The following CYP7B1 variants were observed in gnomAD, a reference collection of about 807,000 sequenced individuals.
CYP7B1 encodes the protein cytochrome P450 family 7 subfamily B member 1.
A neutral mutation model predicts 42.7 loss-of-function variants in CYP7B1; 29 were observed. That is an observed-to-expected ratio of 0.68 (90% CI 0.51 to 0.93). CYP7B1 has a LOEUF of 0.93. CYP7B1 is among the 40% of genes least tolerant of loss of function. The pLI, the probability that CYP7B1 is intolerant of heterozygous loss-of-function variation, is 0.00. For missense variants in CYP7B1, 655 were observed against 600.5 expected (o/e 1.09, Z -0.95); for synonymous variants, 235 against 218.2 (o/e 1.08, Z -0.68).
chr8:64,636,649 C>T (rs1269253925), intron 1 of CYP7B1, among the ~76,000 whole-genome samples: 5 of 152,060 alleles, frequency 3.3e-5, no homozygotes, highest in Non-Finnish European at 7.4e-5. Flanking sequence ...ATATGATATG[C>T]TGGTCACAGA....
intron 1 of CYP7B1, among the ~76,000 whole-genome samples, chr8:64,781,983 A>G (rs957839782): frequency 2.0e-5 from 3 of 152,192 alleles, no homozygotes; most frequent in Admixed American, 6.5e-5. Flanking sequence ...CAATAGATGC[A>G]AAATATCTAG....
intron 1 of CYP7B1, among the ~76,000 whole-genome samples, chr8:64,707,303 C>T (rs1012488381): frequency 8.5e-5 from 13 of 152,058 alleles, no homozygotes; most frequent in African/African-American, 3.1e-4. Flanking sequence ...AATTCAAGGC[C>T]ATATCCCCTG....
intron 1 of CYP7B1, among the ~76,000 whole-genome samples, chr8:64,683,058 C>G (rs1172895760): frequency 6.6e-6 from 1 of 152,158 alleles, no homozygotes; most frequent in Non-Finnish European, 1.5e-5. Context: ...TTTTCCAAAT[C>G]CAAGTAGTGT....
At chr8:64,619,883 T>C (rs770407999) in intron 2 of CYP7B1, among the ~76,000 whole-genome samples, 1 of 152,146 alleles carries the variant, frequency 6.6e-6, no homozygotes, top group Non-Finnish European at 1.5e-5. Context: ...GATATAGATA[T>C]ATATACATAT....
intron 1 of CYP7B1, among the ~76,000 whole-genome samples, chr8:64,741,053 G>A (rs1217617531): frequency 1.3e-5 from 2 of 151,778 alleles, no homozygotes; most frequent in Non-Finnish European, 2.9e-5. Flanking sequence ...AGACCAATGT[G>A]GTTTTATTGA....
At chr8:64,753,543 C>T (rs190234784) in intron 1 of CYP7B1, among the ~76,000 whole-genome samples, 2 of 152,226 alleles carry the variant, frequency 1.3e-5, no homozygotes, top group African/African-American at 4.8e-5. Context: ...TGAGGTATGC[C>T]CATTCACGCA....
At chr8:64,741,472 A>G (rs1304932396) in intron 1 of CYP7B1, among the ~76,000 whole-genome samples, 1 of 152,062 alleles carries the variant, frequency 6.6e-6, no homozygotes, top group East Asian at 1.9e-4. Context: ...GGCATGCACC[A>G]CCATGCCCAG....
chr8:64,773,697 A>C (rs184726058), intron 1 of CYP7B1, among the ~76,000 whole-genome samples: 3 of 152,340 alleles, frequency 2.0e-5, no homozygotes, highest in Non-Finnish European at 2.9e-5. Flanking sequence ...AAGTTTATTA[A>C]TCTCACAGTT....
rs1229392268 is a variant in CYP7B1 at position 64,645,791 on chromosome 8, C to T, written c.123-21252G>A. 2.6e-5 allele frequency among the ~76,000 whole-genome samples: 4 copies of T among 152,212 alleles called. No individual in the cohort carries two copies. The East Asian group carries it at 7.7e-4, about 29-fold the overall frequency. On this transcript the variant is annotated intron_variant, in intron 1 of 5. Coordinates refer to ENST00000310193, the MANE Select transcript of CYP7B1 (RefSeq NM_004820.5). ...CTGGAGGCATCACACTACCTGACTTCAAACTATACTACAAGGCTACAGTAA... is the reference window on the plus strand; with the variant it reads ...CTGGAGGCATCACACTACCTGACTTTAAACTATACTACAAGGCTACAGTAA...
chr8:64,631,158 T>C (rs1396570063), intron 1 of CYP7B1, among the ~76,000 whole-genome samples: 1 of 152,118 alleles, frequency 6.6e-6, no homozygotes, highest in East Asian at 1.9e-4. Context: ...TGCAGACCAA[T>C]ACCTCTTATA....
intron 1 of CYP7B1, among the ~76,000 whole-genome samples, chr8:64,691,621 C>G (rs1806746855): frequency 6.6e-6 from 1 of 151,990 alleles, no homozygotes; most frequent in Non-Finnish European, 1.5e-5. Flanking sequence ...ACAACATTTT[C>G]AATGCAATGA....
chr8:64,780,897 A>G (rs1345211946), intron 1 of CYP7B1, among the ~76,000 whole-genome samples: 1 of 152,138 alleles, frequency 6.6e-6, no homozygotes, highest in African/African-American at 2.4e-5. Flanking sequence ...GTAGGTATGC[A>G]CCGGGTTTGG....
chr8:64,591,465 T>C lies in CYP7B1; in HGVS notation c.*5177A>G, dbSNP rs762712217. ...TTCCTGTTCACATAATTATTGCCAT[T>C]CTTTTATACTAGGATCAAACACTAG... On this transcript the variant is annotated 3_prime_UTR_variant, in exon 6 of 6. Coordinates refer to ENST00000310193, the MANE Select transcript of CYP7B1 (RefSeq NM_004820.5). 1.3e-5 allele frequency among the ~76,000 whole-genome samples: 2 copies of C among 152,328 alleles called. No individual in the cohort carries two copies. The highest frequency in any genetic ancestry group is 2.9e-5 in the Non-Finnish European group (2 of 68,012).
At chr8:64,668,762 A>G (rs753830139) in intron 1 of CYP7B1, among the ~76,000 whole-genome samples, 3 of 151,660 alleles carry the variant, frequency 2.0e-5, no homozygotes, top group Non-Finnish European at 2.9e-5. Flanking sequence ...GAACACTAAG[A>G]CTTTATAAAC....
At chr8:64,769,615 C>G (rs927310628) in intron 1 of CYP7B1, among the ~76,000 whole-genome samples, 2 of 152,264 alleles carry the variant, frequency 1.3e-5, no homozygotes, top group Non-Finnish European at 2.9e-5. Context: ...TAAATATTAA[C>G]GCTTGAATGT....
intron 1 of CYP7B1, among the ~76,000 whole-genome samples, chr8:64,743,630 C>T (rs920330033): frequency 6.6e-6 from 1 of 152,092 alleles, no homozygotes; most frequent in Non-Finnish European, 1.5e-5. Context: ...ATCCCTTGTG[C>T]TTCTGTGTGT....
intron 1 of CYP7B1, among the ~76,000 whole-genome samples, chr8:64,765,673 A>G (rs1807961994): frequency 6.6e-6 from 1 of 152,204 alleles, no homozygotes; most frequent in East Asian, 1.9e-4. Flanking sequence ...CCTGGAAAGG[A>G]GTAAGCATTA....
intron 1 of CYP7B1, among the ~76,000 whole-genome samples, chr8:64,647,163 G>T (rs541991908): frequency 5.9e-5 from 9 of 152,248 alleles, no homozygotes; most frequent in Admixed American, 4.6e-4. Context: ...ATGGGGGAAT[G>T]GTTGGTCAGT....
intron 2 of CYP7B1, among the ~76,000 whole-genome samples, chr8:64,620,070 C>T (rs1326772791): frequency 2.6e-5 from 4 of 152,022 alleles, no homozygotes; most frequent in Non-Finnish European, 5.9e-5. Context: ...CCTGTGGTCC[C>T]AGCTACTCAG....
Sources: gnomAD v4.1 joint callset for allele counts (sites outside exome capture counted in the v4.1 genomes callset) on GRCh38, gnomAD v4.1.1 for gene constraint, MANE v1.5 for transcripts, NCBI Gene and HGNC (gene_info 2026-07-23, HGNC 2026-07-21) for gene names.